Variants in PLXDC2 observed in about 807,000 individuals in gnomAD.
The protein encoded by PLXDC2 is plexin domain-containing protein 2.
A neutral mutation model predicts 68.9 loss-of-function variants in PLXDC2; 40 were observed. The ratio of observed to expected loss-of-function variants is 0.58; its 90% CI spans 0.45 to 0.76. The LOEUF (loss-of-function observed/expected upper bound fraction) is 0.76. Ranked by LOEUF, PLXDC2 falls within the 30% of genes least tolerant of loss-of-function variation. The pLI is 0.00. For missense variants in PLXDC2, 644 were observed against 661.9 expected (o/e 0.97, Z 0.30); for synonymous variants, 243 against 234.2 (o/e 1.04, Z -0.34).
rs149140866 is a variant in PLXDC2, at chr10:19,925,222, A to C, written c.113-76553A>C. ...TGCAGCTCAGCTGGAACCAGGAGGC[A>C]GCAGAAGGCATGGAGAGCCTGCATG... On this transcript the variant is annotated intron_variant, in intron 1 of 13. Transcript: ENST00000377252. Among the ~76,000 whole-genome samples the C allele has an allele frequency of 4.7e-3, 714 of 151,412 alleles. 3 individuals are homozygous for C. The highest frequency in any genetic ancestry group is 0.017 in the African/African-American group (687 of 41,498).
At chr10:20,277,225 A>G (rs1037423112) in intron 13 of PLXDC2, among the ~76,000 whole-genome samples, 2 of 150,136 alleles carry the variant, frequency 1.3e-5, no homozygotes, top group Non-Finnish European at 3.0e-5. Context: ...AAAAAAAAAA[A>G]AAAAAAAAAG....
chr10:20,174,974 C>G (rs1834506827), intron 7 of PLXDC2, among the ~76,000 whole-genome samples: 1 of 151,894 alleles, frequency 6.6e-6, no homozygotes, highest in African/African-American at 2.4e-5. Flanking sequence ...AGGAGGTCAT[C>G]GTTGGGTGTA....
intron 2 of PLXDC2, among the ~76,000 whole-genome samples, chr10:20,037,407 C>G (rs572746189): frequency 6.6e-6 from 1 of 151,436 alleles, no homozygotes; most frequent in Non-Finnish European, 1.5e-5. Context: ...ATGTGCACAA[C>G]GTGCAGGTTT....
chr10:19,882,391 GAGGGTCA>G (rs1837744095), intron 1 of PLXDC2, among the ~76,000 whole-genome samples: 1 of 152,224 alleles, frequency 6.6e-6, no homozygotes, highest in African/African-American at 2.4e-5. Context: ...AAGCCCAGAA[GAGGGTCA>G]ACATCATCAG....
At chr10:19,995,353 G>A (rs986976412) in intron 1 of PLXDC2, among the ~76,000 whole-genome samples, 3 of 152,132 alleles carry the variant, frequency 2.0e-5, no homozygotes, top group African/African-American at 7.2e-5. Context: ...TCCACACACG[G>A]TATGCATTTT....
intron 1 of PLXDC2, among the ~76,000 whole-genome samples, chr10:19,945,049 G>A (rs1833879503): frequency 6.6e-6 from 1 of 152,204 alleles, no homozygotes; most frequent in Non-Finnish European, 1.5e-5. Context: ...GGCCACCTTT[G>A]ATTGGCCAAA....
intron 3 of PLXDC2, among the ~76,000 whole-genome samples, chr10:20,049,595 C>T (rs561978012): frequency 4.0e-4 from 61 of 151,894 alleles, no homozygotes; most frequent in Non-Finnish European, 7.4e-4. Flanking sequence ...ATCGGGAAGG[C>T]AATCTCATTC....
At chr10:19,932,828 C>T (rs1289887051) in intron 1 of PLXDC2, among the ~76,000 whole-genome samples, 5 of 152,114 alleles carry the variant, frequency 3.3e-5, no homozygotes, top group African/African-American at 1.2e-4. Context: ...TTGTTGTGCT[C>T]CATTTAGGTA....
rs189969720 is a variant in PLXDC2 at position 20,265,487 on chromosome 10, C to T, written c.1474-14216C>T. The stretch of plus-strand genomic sequence containing the variant: ...ACAGCTTTTTTTATGTGTGTTACTC[C>T]ATCTATATTTATTAAACAGCAATTG... On this transcript the variant is annotated intron_variant, in intron 13 of 13. Coordinates refer to ENST00000377252, the MANE Select transcript of PLXDC2 (RefSeq NM_032812.9). Among the ~76,000 whole-genome samples, 35 of 152,244 alleles carry T rather than the reference C, an allele frequency of 2.3e-4. No homozygotes were observed. The East Asian group carries it at 6.8e-3, about 29-fold the overall frequency.
chr10:19,905,568 T>G (rs1256215618), intron 1 of PLXDC2, among the ~76,000 whole-genome samples: 2 of 151,952 alleles, frequency 1.3e-5, no homozygotes, highest in Non-Finnish European at 2.9e-5. Flanking sequence ...GCAGGACTGG[T>G]GATATTTTGC....
At chr10:20,069,693 T>G (rs1051189511) in intron 4 of PLXDC2, among the ~76,000 whole-genome samples, 2 of 151,854 alleles carry the variant, frequency 1.3e-5, no homozygotes, top group Non-Finnish European at 2.9e-5. Context: ...TTAGCTGGTA[T>G]GATGGCATGC....
chr10:19,990,969 G>A (rs895949172), intron 1 of PLXDC2, among the ~76,000 whole-genome samples: 2 of 152,082 alleles, frequency 1.3e-5, no homozygotes, highest in African/African-American at 2.4e-5. Flanking sequence ...GATTCAGGCC[G>A]GGCATGATGG....
intron 3 of PLXDC2, among the ~76,000 whole-genome samples, chr10:20,056,314 A>G (rs1835997926): frequency 1.3e-5 from 2 of 152,170 alleles, no homozygotes; most frequent in Non-Finnish European, 2.9e-5. Flanking sequence ...ATTGCACAAA[A>G]TTAACATGAT....
Position 19,816,762 on chromosome 10 carries a change from A to C in PLXDC2, c.-318A>C. The C allele has an allele frequency of 2.2e-6, 1 of 452,044 alleles. No homozygotes were observed. Among genetic ancestry groups the C allele is most frequent in the South Asian group, 2.9e-5 (1 of 34,862 alleles). The allele number at this position is 452,044 out of a possible 1,614,324, so 28.0% of individuals were successfully genotyped here. ...GCGGGCACCGGGTTGGCGCTGCCCGAGTGGAACCGACAGTTTGCGAGCCTC... is the reference window on the plus strand; with the variant it reads ...GCGGGCACCGGGTTGGCGCTGCCCGCGTGGAACCGACAGTTTGCGAGCCTC... On this transcript the variant is annotated 5_prime_UTR_variant, in exon 1 of 14. Transcript: ENST00000377252.
At chr10:20,133,832 T>C (rs1833900226) in intron 4 of PLXDC2, among the ~76,000 whole-genome samples, 1 of 152,174 alleles carries the variant, frequency 6.6e-6, no homozygotes, top group Admixed American at 6.5e-5. Context: ...GGAACTCCCA[T>C]AATGAATATA....
intron 2 of PLXDC2, among the ~76,000 whole-genome samples, chr10:20,032,542 G>T (rs558353877): frequency 6.6e-6 from 1 of 152,280 alleles, no homozygotes; most frequent in East Asian, 1.9e-4. Context: ...GGGGAGACCA[G>T]TGAGAGAGCT....
At chr10:19,913,692 T>G (rs1206801342) in intron 1 of PLXDC2, among the ~76,000 whole-genome samples, 2 of 152,188 alleles carry the variant, frequency 1.3e-5, no homozygotes, top group Non-Finnish European at 2.9e-5. Context: ...CCTGCCAGCT[T>G]TAGGAGGCTG....
intron 2 of PLXDC2, 100 bp downstream of exon 2, chr10:20,002,086 A>G: frequency 8.2e-7 from 1 of 1,219,216 alleles, no homozygotes; most frequent in Non-Finnish European, 1.1e-6. Flanking sequence ...ATCTCAATCT[A>G]GAAATTTTGG....
intron 1 of PLXDC2, among the ~76,000 whole-genome samples, chr10:19,888,830 G>C (rs1313356161): frequency 6.6e-6 from 1 of 152,120 alleles, no homozygotes; most frequent in Non-Finnish European, 1.5e-5. Flanking sequence ...TAAAAAGGGA[G>C]ATGAGCTGGA....
Sources: gnomAD v4.1 joint callset for allele counts (sites outside exome capture counted in the v4.1 genomes callset) on GRCh38, gnomAD v4.1.1 for gene constraint, MANE v1.5 for transcripts, NCBI Gene and HGNC (gene_info 2026-07-23, HGNC 2026-07-21) for gene names.